The following RGS7 variants were observed in gnomAD, a reference collection of about 807,000 sequenced individuals.
RGS7 encodes the protein regulator of G protein signaling 7, also known as regulator of G-protein signaling 7.
A neutral mutation model predicts 81.1 loss-of-function variants in RGS7; 27 were observed. The ratio of observed to expected loss-of-function variants is 0.33; its 90% CI spans 0.25 to 0.46. The LOEUF is 0.46. Among genes scored for constraint, RGS7 ranks in the 20% least tolerant of loss-of-function variants. RGS7 has a pLI of 1.00. For missense variants in RGS7, 396 were observed against 607.4 expected (o/e 0.65, Z 3.66); for synonymous variants, 208 against 207.7 (o/e 1.00, Z -0.01).
At chr1:241,323,069 T>G (rs1456627037) in intron 2 of RGS7, among the ~76,000 whole-genome samples, 1 of 152,202 alleles carries the variant, frequency 6.6e-6, no homozygotes, top group South Asian at 2.1e-4. Context: ...CAAGAGATTT[T>G]CACCATTTAG....
intron 2 of RGS7, among the ~76,000 whole-genome samples, chr1:241,338,624 C>A (rs2082368923): frequency 6.6e-6 from 1 of 151,954 alleles, no homozygotes; most frequent in South Asian, 2.1e-4. Flanking sequence ...CCTTTCCAGG[C>A]TTTCACTGTA....
intron 2 of RGS7, among the ~76,000 whole-genome samples, chr1:241,343,023 G>A (rs912422918): frequency 6.6e-6 from 1 of 152,084 alleles, no homozygotes; most frequent in Non-Finnish European, 1.5e-5. Flanking sequence ...AGCACTTTCG[G>A]AGGCAGAGGC....
intron 18 of RGS7, among the ~76,000 whole-genome samples, chr1:240,795,302 A>C (rs1403735120): frequency 6.6e-6 from 1 of 152,216 alleles, no homozygotes; most frequent in Non-Finnish European, 1.5e-5. Context: ...CTTAAAAAAA[A>C]CAATATGTTT....
intron 3 of RGS7, among the ~76,000 whole-genome samples, chr1:241,028,253 G>A (rs558681403): frequency 2.6e-5 from 4 of 152,154 alleles, no homozygotes; most frequent in South Asian, 2.1e-4. Context: ...ATAGAGTTTT[G>A]AATTGGATTG....
chr1:241,293,534 G>A (rs2079208930), intron 2 of RGS7, among the ~76,000 whole-genome samples: 1 of 152,054 alleles, frequency 6.6e-6, no homozygotes, highest in Non-Finnish European at 1.5e-5. Flanking sequence ...TCCTGACCCT[G>A]TGTACGCTGA....
In RGS7 at chr1:241,347,381, C is replaced by T. The variant is rs2082965752; in HGVS notation, c.78+8318G>A. ...GCTCTTCTGACTCGCGGTCCTTTGA[C>T]CCTTCATGACTACTACTCTGCATGG... On this transcript the variant is annotated intron_variant, in intron 2 of 18. Transcript: ENST00000440928. 2.0e-5 allele frequency among the ~76,000 whole-genome samples: 3 copies of T among 152,158 alleles called. No individual in the cohort carries two copies. In the South Asian group the frequency reaches 6.2e-4, roughly 31 times the overall value.
chr1:241,264,952 T>C (rs1307327924), intron 2 of RGS7, among the ~76,000 whole-genome samples: 2 of 152,220 alleles, frequency 1.3e-5, no homozygotes, highest in African/African-American at 4.8e-5. Flanking sequence ...GGGGCTCCCA[T>C]AGATCCTGGA....
At chr1:241,134,637 C>T (rs2067359601) in intron 2 of RGS7, among the ~76,000 whole-genome samples, 1 of 152,084 alleles carries the variant, frequency 6.6e-6, no homozygotes, top group African/African-American at 2.4e-5. Context: ...TATAAAAGGC[C>T]CACGAGGGAA....
chr1:241,097,579 A>G (rs547549579), intron 3 of RGS7, among the ~76,000 whole-genome samples: 1 of 152,136 alleles, frequency 6.6e-6, no homozygotes, highest in Admixed American at 6.5e-5. Flanking sequence ...CAGGAATCCC[A>G]TGAAGCACCC....
chr1:240,880,694 T>C (rs261842), intron 6 of RGS7, among the ~76,000 whole-genome samples: 2,717 of 152,272 alleles, frequency 0.018, 73 homozygotes, highest in African/African-American at 0.063. Flanking sequence ...TTTCCAGCCC[T>C]CATGCATCAA....
At chr1:240,824,424 C>T (rs1424579166) in intron 10 of RGS7, among the ~76,000 whole-genome samples, 1 of 152,234 alleles carries the variant, frequency 6.6e-6, no homozygotes, top group Non-Finnish European at 1.5e-5. Context: ...TGGAGGCCGA[C>T]CACACAGCCA....
intron 6 of RGS7, among the ~76,000 whole-genome samples, chr1:240,899,424 A>G (rs148053712): frequency 0.13 from 19,671 of 152,092 alleles, 1,359 homozygotes; most frequent in Middle Eastern, 0.18. Flanking sequence ...GGCTGGTACC[A>G]GTTGTTCCTT....
chr1:241,192,815 G>C (rs946598486), intron 2 of RGS7, among the ~76,000 whole-genome samples: 9 of 152,220 alleles, frequency 5.9e-5, no homozygotes, highest in African/African-American at 1.7e-4. Flanking sequence ...ACAGTACCAA[G>C]AGTTCAGGAA....
chr1:241,040,586 C>T (rs1275155148), intron 3 of RGS7, among the ~76,000 whole-genome samples: 5 of 152,098 alleles, frequency 3.3e-5, no homozygotes, highest in African/African-American at 1.2e-4. Flanking sequence ...ACTGCAACCT[C>T]TGCCTCCCAG....
At chr1:241,239,032 G>A (rs2140064) in intron 2 of RGS7, among the ~76,000 whole-genome samples, 36,995 of 145,016 alleles carry the variant, frequency 0.26, 4,741 homozygotes, top group South Asian at 0.34. Flanking sequence ...GCCCTGGTGC[G>A]ATCTCGGCTC....
At chr1:240,776,448 T>A (rs1184977245) in intron 18 of RGS7, among the ~76,000 whole-genome samples, 1 of 131,568 alleles carries the variant, frequency 7.6e-6, no homozygotes. Context: ...CCCTCCCAAA[T>A]CCTTCCTCCC....
intron 6 of RGS7, among the ~76,000 whole-genome samples, chr1:240,923,203 T>C (rs2502443): frequency 0.52 from 78,538 of 151,676 alleles, 20,956 homozygotes; most frequent in Middle Eastern, 0.64. Flanking sequence ...TATGGATAAA[T>C]AGGCAGAACA....
chr1:241,024,551 T>C (rs555443503), intron 3 of RGS7, among the ~76,000 whole-genome samples: 1 of 152,172 alleles, frequency 6.6e-6, no homozygotes, highest in East Asian at 1.9e-4. Flanking sequence ...TATATTATTA[T>C]TAAGGGCAAG....
At chr1:240,790,537 ACT>A (rs1229139227) in intron 18 of RGS7, among the ~76,000 whole-genome samples, 1 of 152,214 alleles carries the variant, frequency 6.6e-6, no homozygotes, top group Non-Finnish European at 1.5e-5. Flanking sequence ...CAAGCAATTC[ACT>A]AGTTGTCATC....
Sources: gnomAD v4.1 joint callset for allele counts (sites outside exome capture counted in the v4.1 genomes callset) on GRCh38, gnomAD v4.1.1 for gene constraint, MANE v1.5 for transcripts, NCBI Gene and HGNC (gene_info 2026-07-23, HGNC 2026-07-21) for gene names.